CACNB4: variants seen among roughly 807,000 people sequenced by gnomAD.
CACNB4 encodes calcium voltage-gated channel auxiliary subunit beta 4.
A neutral mutation model predicts 71.2 loss-of-function variants in CACNB4; 32 were observed. The observed-to-expected ratio is 0.45, with a 90% CI of 0.34 to 0.60. CACNB4 has a LOEUF of 0.60. Ranked by LOEUF, CACNB4 falls within the 20% of genes least tolerant of loss-of-function variation. CACNB4 has a pLI of 0.01. For synonymous variants in CACNB4, 231 were observed against 236.9 expected (o/e 0.97, Z 0.23); for missense variants, 464 against 647.9 (o/e 0.72, Z 3.08).
chr2:152,098,561 A>C lies in CACNB4; in HGVS notation c.64-148T>G. On this transcript the variant is annotated intron_variant, in intron 1 of 13. Coordinates refer to ENST00000539935, the MANE Select transcript of CACNB4 (RefSeq NM_000726.5). The surrounding 1 kb of genome is among the most constrained non-coding windows in gnomAD (Gnocchi z 5.3). Reference sequence around the variant, plus strand: ...CAAGTCTCCTCCGCGACTCCCAAATACAGCCCCCACCCCCACCCACCCACT... The same window carrying C: ...CAAGTCTCCTCCGCGACTCCCAAATCCAGCCCCCACCCCCACCCACCCACT... 1 of 1,223,626 alleles carries C rather than the reference A, an allele frequency of 8.2e-7. No homozygotes were observed. Among genetic ancestry groups the C allele is most frequent in the Non-Finnish European group, 1.2e-6 (1 of 847,634 alleles). The allele number at this position is 1,223,626 out of a possible 1,614,324, so 75.8% of individuals were successfully genotyped here. A position where few individuals can be genotyped will look rare whatever the true frequency, so the allele number is the denominator to read the frequency against.
intron 2 of CACNB4, among the ~76,000 whole-genome samples, chr2:151,923,314 C>T (rs2151578581): frequency 6.6e-6 from 1 of 152,336 alleles, no homozygotes; most frequent in East Asian, 1.9e-4. Flanking sequence ...CTCATTTGCC[C>T]TCTCAGTTGC....
intron 2 of CACNB4, among the ~76,000 whole-genome samples, chr2:152,060,330 G>C (rs1463073079): frequency 6.6e-6 from 1 of 152,142 alleles, no homozygotes; most frequent in Non-Finnish European, 1.5e-5. Flanking sequence ...TACATTAAAA[G>C]ATTTAAAATT....
At chr2:151,875,487 C>T (rs1283725913) in intron 5 of CACNB4, among the ~76,000 whole-genome samples, 1 of 152,188 alleles carries the variant, frequency 6.6e-6, no homozygotes, top group East Asian at 1.9e-4. Flanking sequence ...TCATCATGGC[C>T]CATTCTCAAT....
At chr2:152,007,556 A>G (rs1682799124) in intron 2 of CACNB4, among the ~76,000 whole-genome samples, 1 of 151,996 alleles carries the variant, frequency 6.6e-6, no homozygotes, top group Non-Finnish European at 1.5e-5. Flanking sequence ...CTTTTCCCTC[A>G]TTTTCAAGGC....
intron 2 of CACNB4, among the ~76,000 whole-genome samples, chr2:152,009,900 G>A (rs1579120703): frequency 6.6e-6 from 1 of 152,304 alleles, no homozygotes; most frequent in East Asian, 1.9e-4. Context: ...AACTGGGGCT[G>A]GGGACACAGC....
At chr2:152,041,271 A>T (rs1379694881) in intron 2 of CACNB4, among the ~76,000 whole-genome samples, 1 of 152,214 alleles carries the variant, frequency 6.6e-6, no homozygotes, top group African/African-American at 2.4e-5. Flanking sequence ...TCCTTTGTGT[A>T]TAGAGAGATC....
chr2:152,097,830 T>G (rs1204439328), intron 2 of CACNB4, among the ~76,000 whole-genome samples: 7 of 152,220 alleles, frequency 4.6e-5, no homozygotes. Context: ...GTAAACTTTC[T>G]GCTCAGTGTC....
intron 2 of CACNB4, among the ~76,000 whole-genome samples, chr2:152,067,181 G>A (rs189826837): frequency 6.6e-6 from 1 of 152,150 alleles, no homozygotes; most frequent in Non-Finnish European, 1.5e-5. Flanking sequence ...AAGAAGTGCA[G>A]GGGAGTAAAT....
intron 2 of CACNB4, among the ~76,000 whole-genome samples, chr2:151,917,776 A>G (rs2099857900): frequency 6.8e-6 from 1 of 146,834 alleles, no homozygotes; most frequent in Non-Finnish European, 1.5e-5. Flanking sequence ...GTGGAAGTGC[A>G]GTGAGCTGAG....
chr2:152,065,756 G>T (rs567170113), intron 2 of CACNB4, among the ~76,000 whole-genome samples: 5 of 152,026 alleles, frequency 3.3e-5, no homozygotes, highest in Admixed American at 2.6e-4. Context: ...ATGTAAGGGG[G>T]TAATTTTTTT....
chr2:152,033,958 T>G (rs1376102437), intron 2 of CACNB4, among the ~76,000 whole-genome samples: 1 of 152,180 alleles, frequency 6.6e-6, no homozygotes, highest in Non-Finnish European at 1.5e-5. Context: ...GCAAGAACTT[T>G]GTATTGCTTG....
chr2:151,971,862 C>T, intron 2 of CACNB4: 1 of 471,530 alleles, frequency 2.1e-6, no homozygotes, highest in Non-Finnish European at 3.9e-6. Context: ...CAACTCCACT[C>T]CTCATGTTTC....
At chr2:152,036,143 G>A (rs1023373095) in intron 2 of CACNB4, among the ~76,000 whole-genome samples, 8 of 152,190 alleles carry the variant, frequency 5.3e-5, no homozygotes, top group Admixed American at 1.3e-4. Flanking sequence ...TAATGTGGTT[G>A]CCAAGCACCG....
intron 12 of CACNB4, among the ~76,000 whole-genome samples, chr2:151,846,336 T>G (rs895062438): frequency 6.6e-6 from 1 of 152,174 alleles, no homozygotes; most frequent in African/African-American, 2.4e-5. Flanking sequence ...CAATTCTTTT[T>G]GGAGGGAAGA....
At chr2:151,888,929 T>C (rs959338819) in intron 2 of CACNB4, among the ~76,000 whole-genome samples, 1 of 152,330 alleles carries the variant, frequency 6.6e-6, no homozygotes, top group East Asian at 1.9e-4. Context: ...CTGTCTAATA[T>C]GGCAGCCACA....
At chr2:151,868,132 C>CAAT (rs1270614952) in intron 9 of CACNB4, 1 of 152,142 alleles carries the variant, frequency 6.6e-6, no homozygotes, top group Non-Finnish European at 1.5e-5. Context: ...ATATTTAAAG[C>CAAT]AATACCATGC....
intron 2 of CACNB4, among the ~76,000 whole-genome samples, chr2:152,054,282 C>T (rs1406113966): frequency 6.2e-5 from 9 of 145,232 alleles, no homozygotes; most frequent in Non-Finnish European, 1.0e-4. Flanking sequence ...AGGAGAATGG[C>T]GTGAACCCGG....
At chr2:152,060,197 C>T (rs996510224) in intron 2 of CACNB4, among the ~76,000 whole-genome samples, 3 of 152,164 alleles carry the variant, frequency 2.0e-5, no homozygotes, top group Non-Finnish European at 2.9e-5. Flanking sequence ...CCACACTAGA[C>T]TGTTTTTCAA....
chr2:152,001,839 A>G (rs1469281663), intron 2 of CACNB4, among the ~76,000 whole-genome samples: 3 of 152,182 alleles, frequency 2.0e-5, no homozygotes, highest in Admixed American at 1.3e-4. Flanking sequence ...GGGCTGTGGA[A>G]TAGAATGTAA....
Sources: allele counts gnomAD v4.1 joint callset (sites outside exome capture counted in the v4.1 genomes callset), GRCh38; gene constraint gnomAD v4.1.1; non-coding constraint Gnocchi (gnomAD v3.1); transcripts MANE v1.5; gene names NCBI Gene and HGNC (gene_info 2026-07-23, HGNC 2026-07-21).